The following SV2C variants were observed in gnomAD, a reference collection of about 807,000 sequenced individuals.
SV2C encodes the protein synaptic vesicle glycoprotein 2C.
Under a neutral mutation model 79.7 loss-of-function variants are expected in SV2C, and 49 were observed. The ratio of observed to expected loss-of-function variants is 0.61; its 90% CI spans 0.49 to 0.78. The LOEUF (loss-of-function observed/expected upper bound fraction) is 0.78, where lower values mean the gene tolerates loss of function less well. Among genes scored for constraint, SV2C ranks in the 30% least tolerant of loss-of-function variants. The pLI is 0.00. For synonymous variants in SV2C, 334 were observed against 333.2 expected (o/e 1.00, Z -0.03); for missense variants, 833 against 912.9 (o/e 0.91, Z 1.13).
chr5:75,972,417 C>G, the SV2C span, among the ~76,000 whole-genome samples: 16,970 of 151,956 alleles, frequency 0.11, 2,790 homozygotes, highest in African/African-American at 0.36. Flanking sequence ...AACATTTTTG[C>G]AACCTACTCA....
chr5:76,310,804 A>G (rs964430298), intron 12 of SV2C, among the ~76,000 whole-genome samples: 2 of 152,184 alleles, frequency 1.3e-5, no homozygotes, highest in Admixed American at 1.3e-4. Flanking sequence ...ACGTAAGAAA[A>G]TCCAGAGGTA....
chr5:75,917,732 A>ATGG, the SV2C span, among the ~76,000 whole-genome samples: 2 of 152,042 alleles, frequency 1.3e-5, no homozygotes, highest in Non-Finnish European at 2.9e-5. Flanking sequence ...AAATAGAAAG[A>ATGG]ATGGATAACA....
chr5:76,348,225 TC>T (rs1749578799), intron 12 of SV2C, among the ~76,000 whole-genome samples: 1 of 152,180 alleles, frequency 6.6e-6, no homozygotes, highest in Admixed American at 6.5e-5. Flanking sequence ...CATATAAGGT[TC>T]CTCCATGCAT....
At chr5:76,265,767 C>T (rs185458166) in intron 4 of SV2C, among the ~76,000 whole-genome samples, 1 of 152,220 alleles carries the variant, frequency 6.6e-6, no homozygotes, top group African/African-American at 2.4e-5. Flanking sequence ...TGAGGTGACA[C>T]CCCACCCTGC....
chr5:76,346,217 A>G (rs2055440), intron 12 of SV2C, among the ~76,000 whole-genome samples: 52,774 of 152,114 alleles, frequency 0.35, 9,911 homozygotes, highest in African/African-American at 0.46. Flanking sequence ...TTAAGTGCGC[A>G]CATAATGGTA....
Position 76,300,888 on chromosome 5 carries a change from T to C in SV2C, c.1796T>C (p.Val599Ala). The change falls in exon 11 of 13, where the codon GTG becomes GCG. Residue 599 changes from valine (V) to alanine (A), a missense_variant. Coordinates refer to ENST00000502798, the MANE Select transcript of SV2C (RefSeq NM_014979.4). ...TTGGCAGTATTGCCAGGGAACATTG[T>C]GTCTGCTCTGCTGATGGACAGAATT... ...GTLAVLPGNI[V>A]SALLMDRIGR... The C allele has an allele frequency of 1.2e-6, 2 of 1,614,188 alleles. No individual in the cohort carries two copies. The highest frequency in any genetic ancestry group is 2.2e-5 in the South Asian group (2 of 91,088).
intron 2 of SV2C, among the ~76,000 whole-genome samples, chr5:76,143,816 ATATG>A (rs1237260676): frequency 6.6e-6 from 1 of 152,218 alleles, no homozygotes; most frequent in African/African-American, 2.4e-5. Context: ...AAACTAACGA[ATATG>A]TATTAGAAAA....
chr5:76,304,206 C>G (rs984277646), intron 12 of SV2C, among the ~76,000 whole-genome samples: 7 of 152,356 alleles, frequency 4.6e-5, no homozygotes, highest in African/African-American at 1.7e-4. Flanking sequence ...TAGATGTCAT[C>G]AGATAATCAC....
intron 2 of SV2C, among the ~76,000 whole-genome samples, chr5:76,143,925 A>G (rs1214411479): frequency 6.6e-6 from 1 of 152,226 alleles, no homozygotes; most frequent in Non-Finnish European, 1.5e-5. Context: ...CTAAATTTGA[A>G]GAAGAGAAAA....
chr5:76,246,468 ACT>A (rs1329106383), intron 4 of SV2C, among the ~76,000 whole-genome samples: 1 of 152,176 alleles, frequency 6.6e-6, no homozygotes, highest in African/African-American at 2.4e-5. Context: ...TGAAGACCTA[ACT>A]CTGACAGGCA....
chr5:76,174,082 A>C (rs772865537), intron 2 of SV2C: 4 of 1,575,612 alleles, frequency 2.5e-6, no homozygotes, highest in Non-Finnish European at 8.7e-7. Context: ...CTTCTATCGT[A>C]GGATCGTATT....
chr5:75,935,647 A>G, the SV2C span, among the ~76,000 whole-genome samples: 3 of 152,232 alleles, frequency 2.0e-5, no homozygotes, highest in Non-Finnish European at 4.4e-5. Context: ...TCTAAGACAC[A>G]CGAATGATTG....
the SV2C span, among the ~76,000 whole-genome samples, chr5:75,884,254 T>A: frequency 6.6e-6 from 1 of 152,272 alleles, no homozygotes; most frequent in East Asian, 1.9e-4. Flanking sequence ...CATAAATGCT[T>A]GACTTTTGCC....
At chr5:76,281,321 A>C in intron 4 of SV2C, 2 of 409,266 alleles carry the variant, frequency 4.9e-6, no homozygotes, top group Non-Finnish European at 9.6e-6. Context: ...TCTAGGACGG[A>C]AGTTAAGATC....
At chr5:76,167,902 G>A (rs1047932027) in intron 2 of SV2C, among the ~76,000 whole-genome samples, 2 of 152,138 alleles carry the variant, frequency 1.3e-5, no homozygotes, top group South Asian at 4.2e-4. Context: ...GGAAAGTCAG[G>A]AGCTCAGTAT....
the SV2C span, among the ~76,000 whole-genome samples, chr5:75,999,805 C>A: frequency 6.6e-6 from 1 of 152,080 alleles, no homozygotes; most frequent in Non-Finnish European, 1.5e-5. Flanking sequence ...GATTTGGTGT[C>A]TGGTGAGGGC....
Position 76,209,834 on chromosome 5 carries a change from T to C in SV2C, c.860T>C (p.Met287Thr). The change falls in exon 4 of 13, where the codon ATG (methionine) becomes ACG (threonine). Residue 287 changes from methionine to threonine, a missense_variant. By Grantham distance (81) the Met-to-Thr change is moderately conservative. Transcript: ENST00000502798. The stretch of plus-strand genomic sequence containing the variant: ...TTGAGCTGGCTCTGCATGTTCTGGA[T>C]GATCGGTGGCATCTACGCCTCTGCC... Reference protein sequence around the residue: ...EHLSWLCMFWMIGGIYASAMA... With the variant: ...EHLSWLCMFWTIGGIYASAMA... 15 of 1,614,258 alleles carry C rather than the reference T, an allele frequency of 9.3e-6. No homozygotes were observed. The highest frequency in any genetic ancestry group is 1.2e-5 in the Non-Finnish European group (14 of 1,180,048).
chr5:75,976,197 G>T, the SV2C span, among the ~76,000 whole-genome samples: 1 of 152,164 alleles, frequency 6.6e-6, no homozygotes, highest in African/African-American at 2.4e-5. Context: ...ATGTCAGTCT[G>T]CTCATTTCCA....
chr5:76,047,747 C>T, the SV2C span, among the ~76,000 whole-genome samples: 1 of 150,778 alleles, frequency 6.6e-6, no homozygotes, highest in South Asian at 2.1e-4. Flanking sequence ...AACAATATAC[C>T]GTATTCTTTT....
Sources: gnomAD v4.1 joint callset for allele counts (sites outside exome capture counted in the v4.1 genomes callset) on GRCh38, gnomAD v4.1.1 for gene constraint, MANE v1.5 for transcripts, NCBI Gene and HGNC (gene_info 2026-07-23, HGNC 2026-07-21) for gene names.